The following TENM4 variants were observed in gnomAD, a reference collection of about 807,000 sequenced individuals.
TENM4 encodes the protein teneurin-4.
Under a neutral mutation model 243.3 loss-of-function variants are expected in TENM4, and 82 were observed. The observed-to-expected ratio is 0.34, with a 90% CI of 0.28 to 0.40. The LOEUF (loss-of-function observed/expected upper bound fraction) is 0.40, where lower values mean the gene tolerates loss of function less well. Ranked by LOEUF, TENM4 falls within the 10% of genes least tolerant of loss-of-function variation. The pLI, the probability that TENM4 is intolerant of heterozygous loss-of-function variation, is 1.00. For missense variants in TENM4, 3,138 were observed against 3,673.3 expected, an observed-to-expected ratio of 0.85 and a Z score of 3.77; for synonymous variants, 1,412 against 1,456.3, an observed-to-expected ratio of 0.97 and a Z score of 0.69.
rs1437540154 is a variant in TENM4 at position 79,009,148 on chromosome 11, A to C, written c.493+55590T>G. 3.3e-5 allele frequency among the ~76,000 whole-genome samples: 5 copies of C among 152,284 alleles called. No individual in the cohort carries two copies. The East Asian group carries it at 9.7e-4, about 29-fold the overall frequency. ...ACAAAAATATTTTTACCAATTTGTT[A>C]TTCCTGGAAAACTTTTCAAGCCCAA... On this transcript the variant is annotated intron_variant, in intron 6 of 33. Coordinates refer to ENST00000278550, the MANE Select transcript of TENM4 (RefSeq NM_001098816.3).
At chr11:78,802,605 C>G (rs771172684) in intron 15 of TENM4, among the ~76,000 whole-genome samples, 1 of 152,242 alleles carries the variant, frequency 6.6e-6, no homozygotes, top group Non-Finnish European at 1.5e-5. Context: ...CTCCCAGCTT[C>G]CTCCCTCACC....
chr11:78,915,553 CTGACA>C (rs957358523), intron 6 of TENM4, among the ~76,000 whole-genome samples: 1 of 152,144 alleles, frequency 6.6e-6, no homozygotes. Context: ...TAAACTTGAC[CTGACA>C]TTTCTCCAAA....
chr11:79,130,165 C>T (rs189216917), intron 4 of TENM4, among the ~76,000 whole-genome samples: 15 of 152,222 alleles, frequency 9.9e-5, no homozygotes, highest in Non-Finnish European at 8.8e-5. Context: ...CTTACAGGAG[C>T]GCACATCCAT....
intron 9 of TENM4, among the ~76,000 whole-genome samples, chr11:78,874,316 A>T (rs1859209445): frequency 6.6e-6 from 1 of 152,250 alleles, no homozygotes; most frequent in African/African-American, 2.4e-5. Flanking sequence ...AGGATTCTTT[A>T]GAATTTAGAA....
At chr11:79,436,915 C>G (rs145522560) in intron 1 of TENM4, among the ~76,000 whole-genome samples, 1 of 152,238 alleles carries the variant, frequency 6.6e-6, no homozygotes, top group African/African-American at 2.4e-5. Flanking sequence ...CAGTTCAAGA[C>G]ACATGCTGGA....
chr11:79,327,684 T>C (rs1168092483), intron 1 of TENM4, among the ~76,000 whole-genome samples: 1 of 143,172 alleles, frequency 7.0e-6, no homozygotes, highest in Non-Finnish European at 1.5e-5. Context: ...CTCCAAGTCC[T>C]GTACCCTTTG....
chr11:78,672,890 G>C (rs1858369291), intron 30 of TENM4, among the ~76,000 whole-genome samples: 1 of 151,954 alleles, frequency 6.6e-6, no homozygotes, highest in Admixed American at 6.5e-5. Flanking sequence ...GGCCTTCTGG[G>C]GGCTCTGAAC....
chr11:79,109,666 C>A (rs1861460270), intron 4 of TENM4, among the ~76,000 whole-genome samples: 1 of 152,226 alleles, frequency 6.6e-6, no homozygotes, highest in Non-Finnish European at 1.5e-5. Context: ...CAAAGGGTTG[C>A]CGAGTAGGTA....
At position 78,669,513 on chromosome 11, in the gene TENM4, T is replaced by A. The variant is rs1044883537; in HGVS notation, c.6832A>T (p.Ile2278Phe). The A allele has an allele frequency of 6.2e-7, 1 of 1,613,906 alleles. No homozygotes were observed. Among genetic ancestry groups the A allele is most frequent in the Admixed American group, 1.7e-5 (1 of 60,024 alleles). Residue 2278 changes from isoleucine to phenylalanine, a missense_variant, in exon 32 of 34, where the codon ATC (isoleucine) becomes TTC (phenylalanine). Physicochemically the swap from Ile to Phe is conservative, Grantham distance 21. Coordinates refer to ENST00000278550, the MANE Select transcript of TENM4 (RefSeq NM_001098816.3). The surrounding 1 kb of genome is among the most constrained non-coding windows in gnomAD (Gnocchi z 6.4). The stretch of plus-strand genomic sequence containing the variant: ...CTGCCAGCCCGGTTGTAGGCCTTGA[T>A]GAGCAGGCCAGCTGAGTTGTACTCA... The part of the protein sequence containing the change: ...IFEYNSAGLL[I>F]KAYNRAGSWS...
At chr11:79,339,195 A>G (rs1857202444) in intron 1 of TENM4, among the ~76,000 whole-genome samples, 1 of 152,136 alleles carries the variant, frequency 6.6e-6, no homozygotes. Flanking sequence ...ATCCAGTGAG[A>G]AAAGAACAAC....
chr11:79,257,714 A>G (rs939415815), intron 2 of TENM4, among the ~76,000 whole-genome samples: 5 of 152,214 alleles, frequency 3.3e-5, no homozygotes, highest in Non-Finnish European at 7.3e-5. Context: ...TACACAGGCT[A>G]TCAGAGCAGG....
At chr11:79,126,289 C>A (rs1482324662) in intron 4 of TENM4, among the ~76,000 whole-genome samples, 1 of 152,082 alleles carries the variant, frequency 6.6e-6, no homozygotes, top group Non-Finnish European at 1.5e-5. Context: ...AAAGATATAC[C>A]CTTGACCAAT....
At chr11:79,040,198 T>A (rs77412514) in intron 6 of TENM4, among the ~76,000 whole-genome samples, 3,205 of 152,314 alleles carry the variant, frequency 0.021, 117 homozygotes, top group African/African-American at 0.073. Flanking sequence ...TAACTTTGTC[T>A]CTGAGCTTCA....
chr11:78,698,758 T>G (rs559041945), intron 28 of TENM4, among the ~76,000 whole-genome samples: 4 of 152,228 alleles, frequency 2.6e-5, no homozygotes, highest in Non-Finnish European at 4.4e-5. Flanking sequence ...TATTTCTGTC[T>G]GGTTGAGACT....
At chr11:79,066,731 CGCACGCACAT>C (rs751220134) in intron 5 of TENM4, among the ~76,000 whole-genome samples, 1,193 of 28,396 alleles carry the variant, frequency 0.042, 13 homozygotes, top group African/African-American at 0.14. Flanking sequence ...AGCACACACG[CGCACGCACAT>C]GCACACACGC....
intron 9 of TENM4, among the ~76,000 whole-genome samples, chr11:78,886,388 A>G (rs1855550291): frequency 6.6e-6 from 1 of 152,206 alleles, no homozygotes; most frequent in Admixed American, 6.5e-5. Context: ...GCCTGTAATT[A>G]TGGCCAAGCA....
intron 9 of TENM4, among the ~76,000 whole-genome samples, chr11:78,864,872 A>G (rs1193548139): frequency 2.6e-5 from 4 of 152,340 alleles, no homozygotes; most frequent in Admixed American, 1.3e-4. Flanking sequence ...ACAGCCAAGT[A>G]GGGAAGACAG....
chr11:78,934,797 T>C (rs1565133120), intron 6 of TENM4, among the ~76,000 whole-genome samples: 1 of 152,334 alleles, frequency 6.6e-6, no homozygotes, highest in East Asian at 1.9e-4. Flanking sequence ...ATATGAATTA[T>C]GCTTTGTGTT....
At chr11:78,997,883 A>G (rs1479116665) in intron 6 of TENM4, among the ~76,000 whole-genome samples, 2 of 152,186 alleles carry the variant, frequency 1.3e-5, no homozygotes, top group Non-Finnish European at 2.9e-5. Flanking sequence ...GACCGTGATG[A>G]CAGGATCAGT....
Sources: gnomAD v4.1 joint callset for allele counts (sites outside exome capture counted in the v4.1 genomes callset) on GRCh38, gnomAD v4.1.1 for gene constraint, Gnocchi (gnomAD v3.1) non-coding constraint, MANE v1.5 for transcripts, NCBI Gene and HGNC (gene_info 2026-07-23, HGNC 2026-07-21) for gene names.